The following MLLT6 variants were observed in gnomAD, a reference collection of about 807,000 sequenced individuals.
The protein encoded by MLLT6 is MLLT6, PHD finger containing.
A neutral mutation model predicts 103.0 loss-of-function variants in MLLT6; 22 were observed. That is an observed-to-expected ratio of 0.21 (90% CI 0.15 to 0.31). The LOEUF is 0.31. Among genes scored for constraint, MLLT6 ranks in the 10% least tolerant of loss-of-function variants. The pLI, the probability that MLLT6 is intolerant of heterozygous loss-of-function variation, is 1.00. For synonymous variants in MLLT6, 606 were observed against 623.5 expected (o/e 0.97, Z 0.42); for missense variants, 1,199 against 1,441.7 (o/e 0.83, Z 2.73).
intron 14 of MLLT6, 156 bp from the exon 15 acceptor site, chr17:38,720,216 C>T (rs1905633167): frequency 7.7e-6 from 6 of 781,484 alleles, no homozygotes; most frequent in Non-Finnish European, 1.2e-5. Context: ...CTCCCCAAGT[C>T]CCGCCTCTCT....
At position 38,705,760 on chromosome 17, in the gene MLLT6, G is replaced by T; in HGVS notation, c.109+19G>T. On this transcript the variant is annotated intron_variant, in intron 1 of 19. Transcript: ENST00000621332. ...CACCAAGGTACGGGGGTGGCCCGCG[G>T]GGGGCGGCGGGACCCCGGGGGCGGC... 1 of 1,295,558 alleles carries T rather than the reference G, an allele frequency of 7.7e-7. No individual in the cohort carries two copies. 80.3% of individuals were successfully genotyped at this position (1,295,558 alleles called of 1,614,324 possible).
intron 1 of MLLT6, chr17:38,706,012 G>T: frequency 5.3e-6 from 1 of 187,214 alleles, no homozygotes; most frequent in African/African-American, 2.3e-5. Context: ...AACTCCCCAC[G>T]CCCCACACCG....
chr17:38,709,050 A>G lies in MLLT6; in HGVS notation c.355-123A>G. The G allele has an allele frequency of 1.4e-6, 1 of 740,628 alleles. No individual in the cohort carries two copies. Among genetic ancestry groups the G allele is most frequent in the Non-Finnish European group, 2.3e-6 (1 of 439,116 alleles). The allele number at this position is 740,628 out of a possible 1,614,324, so 45.9% of individuals were successfully genotyped here. A position where few individuals can be genotyped will look rare whatever the true frequency, so the allele number is the denominator to read the frequency against. On this transcript the variant is annotated intron_variant, in intron 4 of 19. Transcript: ENST00000621332. The surrounding 1 kb of genome is among the most constrained non-coding windows in gnomAD (Gnocchi z 4.3). ...ATAGAGCGTTTTCATCACTGCAGACAGTTCTGTGGGATAGCACTGATCTAA... is the reference window on the plus strand; with the variant it reads ...ATAGAGCGTTTTCATCACTGCAGACGGTTCTGTGGGATAGCACTGATCTAA...
At chr17:38,720,185 C>G (rs940568896) in intron 14 of MLLT6, 187 bp from the exon 15 acceptor site, 19 of 696,386 alleles carry the variant, frequency 2.7e-5, no homozygotes, top group Non-Finnish European at 4.0e-5. Flanking sequence ...CAGGCTCCGC[C>G]CCAGGTCTTC....
chr17:38,706,200 T>C (rs1597987881), intron 1 of MLLT6: 1 of 152,212 alleles, frequency 6.6e-6, no homozygotes, highest in African/African-American at 2.4e-5. Context: ...GAGAAGGGAC[T>C]CCTAAAATCC....
At position 38,720,672 on chromosome 17, in the gene MLLT6, C is replaced by G; in HGVS notation, c.2367C>G (p.Asp789Glu). The change falls in exon 16 of 20, where the codon GAC becomes GAG. Residue 789 changes from aspartate to glutamate, a missense_variant. By Grantham distance (45) the Asp-to-Glu change is conservative. Coordinates refer to ENST00000621332, the MANE Select transcript of MLLT6 (RefSeq NM_005937.4). ...TCCCTCCCACAGCCGGCAGCAGCGA[C>G]TCCTTGAGCACCAGCAAGAGCCCTC... ...YGLPPQAGSS[D>E]SLSTSKSPPG... The G allele has an allele frequency of 6.2e-7, 1 of 1,613,862 alleles. No individual in the cohort carries two copies. The highest frequency in any genetic ancestry group is 8.5e-7 in the Non-Finnish European group (1 of 1,180,042).
At position 38,726,996 on chromosome 17, in the gene MLLT6, C is replaced by G. The variant is rs1862051521; in HGVS notation, c.*1398C>G. 1 of 233,764 alleles carries G rather than the reference C, an allele frequency of 4.3e-6. No homozygotes were observed. Among genetic ancestry groups the G allele is most frequent in the Non-Finnish European group, 8.5e-6 (1 of 118,074 alleles). 14.5% of individuals were successfully genotyped at this position (233,764 alleles called of 1,614,324 possible). On this transcript the variant is annotated 3_prime_UTR_variant, in exon 20 of 20. Transcript: ENST00000621332. ...GAGAGAGGCGAGAGGCAAGGCGAAGCCTGTGTCCCTGTTTCAGTTGCACTG... is the reference window on the plus strand; with the variant it reads ...GAGAGAGGCGAGAGGCAAGGCGAAGGCTGTGTCCCTGTTTCAGTTGCACTG...
chr17:38,725,686 A>G lies in MLLT6; in HGVS notation c.*88A>G. The stretch of plus-strand genomic sequence containing the variant: ...TAGCCTGGAGCAGGCGCCTGCGCCC[A>G]GACCCTGGAGAGCCTTGACCCAGAG... On this transcript the variant is annotated 3_prime_UTR_variant, in exon 20 of 20. Transcript: ENST00000621332. 1 of 1,143,536 alleles carries G rather than the reference A, an allele frequency of 8.7e-7. No individual in the cohort carries two copies. The highest frequency in any genetic ancestry group is 1.2e-6 in the Non-Finnish European group (1 of 808,240). 70.8% of individuals were successfully genotyped at this position (1,143,536 alleles called of 1,614,324 possible).
At position 38,724,455 on chromosome 17, in the gene MLLT6, AC is replaced by A. The variant is rs1269605873; in HGVS notation, c.2884-162del. 30 of 566,024 alleles carry A rather than the reference AC, an allele frequency of 5.3e-5. No individual in the cohort carries two copies. Among genetic ancestry groups the A allele is most frequent in the Non-Finnish European group, 5.0e-5 (16 of 323,098 alleles). 35.1% of individuals were successfully genotyped at this position (566,024 alleles called of 1,614,324 possible). On this transcript the variant is annotated intron_variant, in intron 18 of 19. Transcript: ENST00000621332. The surrounding 1 kb of genome is among the most constrained non-coding windows in gnomAD (Gnocchi z 5.4). Reference sequence around the variant, plus strand: ...ACCATTTTCTTGTCTAGATGGGGAGACCCAGGCTAAGTGGGAAATGCGAGAC... The same window carrying A: ...ACCATTTTCTTGTCTAGATGGGGAGACCAGGCTAAGTGGGAAATGCGAGAC...
rs568457845 is a variant in MLLT6, at chr17:38,728,961, G to T, written c.*3363G>T. On this transcript the variant is annotated 3_prime_UTR_variant, in exon 20 of 20. Transcript: ENST00000621332. Reference sequence around the variant, plus strand: ...CCCTCAGGCTCCTGGGTCTGCTGCTGCCTCAAGGTGTCCTGACCTTGAGGC... The same window carrying T: ...CCCTCAGGCTCCTGGGTCTGCTGCTTCCTCAAGGTGTCCTGACCTTGAGGC... The T allele has an allele frequency of 3.4e-5, 8 of 233,852 alleles. No homozygotes were observed. Among genetic ancestry groups the T allele is most frequent in the African/African-American group, 1.5e-4 (7 of 45,432 alleles). 14.5% of individuals were successfully genotyped at this position (233,852 alleles called of 1,614,324 possible).
At chr17:38,705,867 G>A (rs796139520) in intron 1 of MLLT6, 126 bp downstream of exon 1, 9 of 310,720 alleles carry the variant, frequency 2.9e-5, no homozygotes, top group African/African-American at 2.0e-4. Context: ...TGAAGGGAAG[G>A]GAGGCGTAGG....
chr17:38,720,586 C>G lies in MLLT6; in HGVS notation c.2353+17C>G, dbSNP rs1807051473. 1 of 1,612,552 alleles carries G rather than the reference C, an allele frequency of 6.2e-7. No homozygotes were observed. Reference sequence around the variant, plus strand: ...CTCCCCAAGGTGAGGGGATCCTGCCCAGCCCGGGAGAGAGGCCCGTGCCCT... The same window carrying G: ...CTCCCCAAGGTGAGGGGATCCTGCCGAGCCCGGGAGAGAGGCCCGTGCCCT... On this transcript the variant is annotated intron_variant, in intron 15 of 19. Coordinates refer to ENST00000621332, the MANE Select transcript of MLLT6 (RefSeq NM_005937.4).
chr17:38,707,941 A>T, intron 4 of MLLT6, 69 bp downstream of exon 4: 1 of 988,786 alleles, frequency 1.0e-6, no homozygotes, highest in Non-Finnish European at 1.6e-6. Context: ...CGCTCTCTTC[A>T]TCCGGTGTAA....
In MLLT6 at chr17:38,715,790, C is replaced by T; in HGVS notation, c.998C>T (p.Ser333Phe). ...ACCTCCGCCTCCTCTTCTTCCTCCTCCTCTTCCTCCTCCTCTGGGGGGCCC... is the reference window on the plus strand; with the variant it reads ...ACCTCCGCCTCCTCTTCTTCCTCCTTCTCTTCCTCCTCCTCTGGGGGGCCC... ...SFTSASSSSS[S>F]SSSSSGGPFQ... is the part of the protein sequence containing the mutation. The change falls in exon 9 of 20, where the codon TCC (serine) becomes TTC (phenylalanine). Residue 333 changes from serine (S) to phenylalanine (F), a missense_variant. Coordinates refer to ENST00000621332, the MANE Select transcript of MLLT6 (RefSeq NM_005937.4). 1.2e-6 allele frequency: 2 copies of T among 1,608,078 alleles called. No individual in the cohort carries two copies. The highest frequency in any genetic ancestry group is 1.1e-5 in the South Asian group (1 of 90,034).
In MLLT6 at chr17:38,715,845, G is replaced by A. The variant is rs766320898; in HGVS notation, c.1036+17G>A. ...AGCCTGCAGGTGAGTGTGGGCATCC[G>A]GGAGGAAGCTGGGAGCAGGGAAAGC... is the stretch of plus-strand genomic sequence containing the variant. On this transcript the variant is annotated intron_variant, in intron 9 of 19. Transcript: ENST00000621332. The A allele has an allele frequency of 1.7e-5, 27 of 1,570,318 alleles. No homozygotes were observed. Among genetic ancestry groups the A allele is most frequent in the Middle Eastern group, 1.7e-4 (1 of 6,026 alleles).
At position 38,724,989 on chromosome 17, in the gene MLLT6, C is replaced by T. The variant is rs775522667; in HGVS notation, c.3240+13C>T. On this transcript the variant is annotated intron_variant, in intron 19 of 19. Transcript: ENST00000621332. This position sits in a 1 kb window ranked among gnomAD's most constrained non-coding sequence, Gnocchi z 5.4. ...CCCCAAAGGAGGGGTGAGTAAGGGG[C>T]CCGGGGCCTTCCTGCCTCCCCTCTG... The T allele has an allele frequency of 4.0e-5, 60 of 1,487,554 alleles. No individual in the cohort carries two copies. Among genetic ancestry groups the T allele is most frequent in the Non-Finnish European group, 5.1e-5 (56 of 1,104,184 alleles). 92.1% of individuals were successfully genotyped at this position (1,487,554 alleles called of 1,614,324 possible).
chr17:38,713,977 C>T (rs768281555), intron 8 of MLLT6: 4 of 152,216 alleles, frequency 2.6e-5, no homozygotes, highest in Non-Finnish European at 5.9e-5. Context: ...CTGTTCAGCA[C>T]GATTAACTGA....
Position 38,720,762 on chromosome 17 carries a change from G to A in MLLT6, c.2442+15G>A, listed in dbSNP as rs778892483. ...CTTCTTCTGAGGTGGGCGCTACGAG[G>A]AGTGGGGCAGGAAGGAGGGGGAGAC... is the stretch of plus-strand genomic sequence containing the variant. On this transcript the variant is annotated intron_variant, in intron 16 of 19. Coordinates refer to ENST00000621332, the MANE Select transcript of MLLT6 (RefSeq NM_005937.4). The A allele has an allele frequency of 6.2e-7, 1 of 1,611,620 alleles. No homozygotes were observed. Among genetic ancestry groups the A allele is most frequent in the Admixed American group, 1.7e-5 (1 of 60,012 alleles).
intron 18 of MLLT6, among the ~76,000 whole-genome samples, 160 bp downstream of exon 18, chr17:38,722,928 A>G (rs1008721106): frequency 1.3e-5 from 2 of 152,048 alleles, no homozygotes; most frequent in Admixed American, 6.5e-5. Context: ...TGGAGCATCC[A>G]TGGCAGGTAA....
Sources: gnomAD v4.1 joint callset for allele counts (sites outside exome capture counted in the v4.1 genomes callset) on GRCh38, gnomAD v4.1.1 for gene constraint, Gnocchi (gnomAD v3.1) non-coding constraint, MANE v1.5 for transcripts, NCBI Gene and HGNC (gene_info 2026-07-23, HGNC 2026-07-21) for gene names.